Variants in CSMD3 observed in about 807,000 individuals in gnomAD.
The protein encoded by CSMD3 is CUB and Sushi multiple domains 3, also known as CUB and sushi domain-containing protein 3.
Under a neutral mutation model 435.2 loss-of-function variants are expected in CSMD3, and 177 were observed. The ratio of observed to expected loss-of-function variants is 0.41; its 90% CI spans 0.36 to 0.46. The LOEUF is 0.46. CSMD3 is among the 20% of genes least tolerant of loss of function. CSMD3 has a pLI of 0.34. For missense variants in CSMD3, 4,265 were observed against 4,504.6 expected, an observed-to-expected ratio of 0.95 and a Z score of 1.52; for synonymous variants, 1,656 against 1,520.5, an observed-to-expected ratio of 1.09 and a Z score of -2.07.
At chr8:112,358,789 C>A (rs2016614) in intron 38 of CSMD3, among the ~76,000 whole-genome samples, 101,136 of 151,940 alleles carry the variant, frequency 0.67, 35,485 homozygotes, top group African/African-American at 0.89. Context: ...AAGCATGAAA[C>A]CAGACTAATA....
At chr8:112,499,660 G>A (rs1821741353) in intron 30 of CSMD3, among the ~76,000 whole-genome samples, 1 of 152,058 alleles carries the variant, frequency 6.6e-6, no homozygotes. Context: ...TTGATAGTTT[G>A]AAATACTTTT....
intron 1 of CSMD3, among the ~76,000 whole-genome samples, chr8:113,430,817 A>G (rs74649219): frequency 0.018 from 2,782 of 152,320 alleles, 96 homozygotes; most frequent in African/African-American, 0.061. Flanking sequence ...AGACATTTTA[A>G]AGATTTCAAA....
chr8:112,883,905 G>A (rs1311726593), intron 10 of CSMD3, among the ~76,000 whole-genome samples: 1 of 151,882 alleles, frequency 6.6e-6, no homozygotes. Context: ...GTGGAACAAG[G>A]TTGAGCACGA....
chr8:113,124,781 T>C (rs149764876), intron 4 of CSMD3, among the ~76,000 whole-genome samples: 2 of 151,986 alleles, frequency 1.3e-5, no homozygotes, highest in East Asian at 1.9e-4. Flanking sequence ...AAAGAATCTG[T>C]CATATTTGCC....
chr8:112,238,642 A>G (rs1813822718), intron 66 of CSMD3, among the ~76,000 whole-genome samples: 1 of 150,790 alleles, frequency 6.6e-6, no homozygotes, highest in Non-Finnish European at 1.5e-5. Flanking sequence ...GCTATTTGCC[A>G]TATAATTTTT....
chr8:112,826,697 G>C (rs2079690630), intron 12 of CSMD3, among the ~76,000 whole-genome samples: 1 of 152,110 alleles, frequency 6.6e-6, no homozygotes, highest in Admixed American at 6.5e-5. Flanking sequence ...GATTGCCAGT[G>C]CAGGATTTGC....
chr8:112,542,842 C>T (rs1159582988), intron 27 of CSMD3, among the ~76,000 whole-genome samples: 2 of 151,990 alleles, frequency 1.3e-5, no homozygotes, highest in East Asian at 1.9e-4. Context: ...ATAATCAAAA[C>T]TGTATGGTAC....
At chr8:112,756,769 ATT>A (rs67224021) in intron 13 of CSMD3, among the ~76,000 whole-genome samples, 122 of 139,886 alleles carry the variant, frequency 8.7e-4, no homozygotes, top group East Asian at 3.4e-3. Flanking sequence ...TTATGTATTA[ATT>A]TTTTTTTTTT....
At chr8:112,572,727 T>C (rs115287924) in intron 24 of CSMD3, among the ~76,000 whole-genome samples, 5,948 of 152,174 alleles carry the variant, frequency 0.039, 191 homozygotes, top group African/African-American at 0.084. Context: ...TGTAAATTTA[T>C]CAAATACATA....
At chr8:112,657,510 T>C (rs1221127160) in intron 17 of CSMD3, among the ~76,000 whole-genome samples, 4 of 152,180 alleles carry the variant, frequency 2.6e-5, no homozygotes, top group African/African-American at 9.6e-5. Context: ...TTAAAACATA[T>C]TAATTTATTT....
At chr8:112,856,503 A>C (rs1467675097) in intron 11 of CSMD3, among the ~76,000 whole-genome samples, 1 of 151,836 alleles carries the variant, frequency 6.6e-6, no homozygotes, top group East Asian at 1.9e-4. Flanking sequence ...TTTGGCAATA[A>C]AAATAGGTGT....
At chr8:113,168,841 C>T (rs1010633402) in intron 4 of CSMD3, among the ~76,000 whole-genome samples, 2 of 151,958 alleles carry the variant, frequency 1.3e-5, no homozygotes, top group African/African-American at 4.8e-5. Flanking sequence ...TCAGCATTTA[C>T]TCATATGTAA....
chr8:113,193,465 C>T (rs2092613358), intron 3 of CSMD3, among the ~76,000 whole-genome samples: 1 of 150,430 alleles, frequency 6.6e-6, no homozygotes, highest in South Asian at 2.1e-4. Context: ...TTAGCTTTTC[C>T]TACTAGTGAC....
In CSMD3 at chr8:112,341,525, G is replaced by A. The variant is rs2130991415; in HGVS notation, c.6604C>T (p.His2202Tyr). 6.2e-7 allele frequency: 1 copy of A among 1,613,270 alleles called. No individual in the cohort carries two copies. Among genetic ancestry groups the A allele is most frequent in the South Asian group, 1.1e-5 (1 of 91,040 alleles). Residue 2202 changes from histidine (H) to tyrosine (Y), a missense_variant, in exon 42 of 71, where the codon CAC becomes TAC. Around this residue, in one of 3 missense-constraint regions of CSMD3, gnomAD observed 3,255 missense variants for 3,380.2 expected, o/e 0.96. Coordinates refer to ENST00000297405, the MANE Select transcript of CSMD3 (RefSeq NM_198123.2). The part of the protein sequence containing the change: ...STTHETSLYF[H>Y]SDYSQNKQGF... ...TGTTTGTTTTGTGAATAGTCACTGT[G>A]AAAATATAAGCTGGTTTCATGGGTG...
chr8:113,228,570 G>A (rs2093052455), intron 3 of CSMD3, among the ~76,000 whole-genome samples: 1 of 150,992 alleles, frequency 6.6e-6, no homozygotes, highest in Non-Finnish European at 1.5e-5. Flanking sequence ...ACATTTCATT[G>A]AGCACTTTAA....
chr8:112,842,248 G>A (rs183053686), intron 11 of CSMD3, among the ~76,000 whole-genome samples: 3 of 151,708 alleles, frequency 2.0e-5, no homozygotes, highest in Non-Finnish European at 2.9e-5. Flanking sequence ...TCTCAGTGAC[G>A]GAAAGCAAAA....
At chr8:112,937,118 G>A (rs997447909) in intron 9 of CSMD3, among the ~76,000 whole-genome samples, 6 of 152,020 alleles carry the variant, frequency 3.9e-5, no homozygotes, top group African/African-American at 1.4e-4. Flanking sequence ...CCCAACTTGA[G>A]TATTTTTATA....
chr8:112,307,202 C>T (rs1465594526), intron 50 of CSMD3, among the ~76,000 whole-genome samples: 1 of 151,972 alleles, frequency 6.6e-6, no homozygotes, highest in Non-Finnish European at 1.5e-5. Context: ...GGGATCACTG[C>T]AACCTCTACC....
Position 113,019,127 on chromosome 8 carries a change from T to A in CSMD3, c.970A>T (p.Arg324Ter), listed in dbSNP as rs1319307677. The change falls in exon 6 of 71, where the codon AGA becomes TGA. Residue 324 changes from arginine to a stop codon, truncating the protein, a stop_gained. Coordinates refer to ENST00000297405, the MANE Select transcript of CSMD3 (RefSeq NM_198123.2). LOFTEE classifies it high-confidence loss of function. ...TTGCTGTCTGTAACAAAATGCAGTC[T>A]GAGCCAGTTTTTGTTGCTGATAATT... ...PPIISNKNWLRLHFVTDSNHR... is the reference protein window; with the variant it reads ...PPIISNKNWL 6.2e-7 allele frequency: 1 copy of A among 1,613,884 alleles called. No individual in the cohort carries two copies. The highest frequency in any genetic ancestry group is 1.7e-5 in the Admixed American group (1 of 60,022).
Sources: allele counts gnomAD v4.1 joint callset (sites outside exome capture counted in the v4.1 genomes callset), GRCh38; gene constraint gnomAD v4.1.1; regional missense constraint gnomAD v4.1.1; transcripts MANE v1.5; gene names NCBI Gene and HGNC (gene_info 2026-07-23, HGNC 2026-07-21).